Variants in ADAM12 observed in about 807,000 individuals in gnomAD.
ADAM12 encodes the protein ADAM metallopeptidase domain 12.
A neutral mutation model predicts 106.4 loss-of-function variants in ADAM12; 70 were observed. That is an observed-to-expected ratio of 0.66 (90% CI 0.54 to 0.80). The LOEUF (loss-of-function observed/expected upper bound fraction) is 0.80, where lower values mean the gene tolerates loss of function less well. Among genes scored for constraint, ADAM12 ranks in the 30% least tolerant of loss-of-function variants. The pLI, the probability that ADAM12 is intolerant of heterozygous loss-of-function variation, is 0.00. For synonymous variants in ADAM12, 420 were observed against 433.5 expected, an observed-to-expected ratio of 0.97 and a Z score of 0.39; for missense variants, 1,010 against 1,171.9, an observed-to-expected ratio of 0.86 and a Z score of 2.02.
chr10:126,167,815 C>A (rs898326), intron 3 of ADAM12, among the ~76,000 whole-genome samples: 2 of 152,040 alleles, frequency 1.3e-5, no homozygotes, highest in Non-Finnish European at 2.9e-5. Flanking sequence ...TGGGAGGACA[C>A]GTGACAACTG....
rs962978509 is a variant in ADAM12, at chr10:126,014,457, A to G, written c.*2822T>C. The G allele has an allele frequency of 3.5e-5, 5 of 142,714 alleles. No homozygotes were observed. The highest frequency in any genetic ancestry group is 1.3e-4 in the African/African-American group (5 of 37,808). The allele number at this position is 142,714 out of a possible 1,614,324, so 8.8% of individuals were successfully genotyped here. On this transcript the variant is annotated 3_prime_UTR_variant, in exon 23 of 23. Transcript: ENST00000448723. The stretch of plus-strand genomic sequence containing the variant: ...CCCCCGAGACTCGTCAGGAGTATTG[A>G]CTCTCCTACAGTTTAATTTGCTGCT...
intron 2 of ADAM12, among the ~76,000 whole-genome samples, chr10:126,292,558 T>G (rs1274737920): frequency 6.6e-6 from 1 of 152,200 alleles, no homozygotes; most frequent in African/African-American, 2.4e-5. Context: ...TTCCTGAGCA[T>G]CCCAGGCTCC....
intron 1 of ADAM12, among the ~76,000 whole-genome samples, chr10:126,334,022 C>T (rs1304758632): frequency 6.6e-6 from 1 of 152,194 alleles, no homozygotes; most frequent in Non-Finnish European, 1.5e-5. Context: ...TCAGCAATAT[C>T]TGTAGTCAGA....
intron 8 of ADAM12, among the ~76,000 whole-genome samples, chr10:126,105,150 G>A (rs138108020): frequency 0.013 from 1,950 of 152,260 alleles, 40 homozygotes; most frequent in Admixed American, 0.053. Context: ...CAAACTCCAC[G>A]GAGTCCGTTA....
At chr10:126,187,074 G>A (rs1042524904) in intron 3 of ADAM12, among the ~76,000 whole-genome samples, 1 of 152,152 alleles carries the variant, frequency 6.6e-6, no homozygotes, top group Non-Finnish European at 1.5e-5. Context: ...CCAGTTTTAA[G>A]CTAATTACAT....
At chr10:126,208,586 T>C (rs1476506714) in intron 3 of ADAM12, among the ~76,000 whole-genome samples, 1 of 152,232 alleles carries the variant, frequency 6.6e-6, no homozygotes, top group Non-Finnish European at 1.5e-5. Flanking sequence ...TTATCTTTAC[T>C]TTTCAACGGC....
intron 4 of ADAM12, among the ~76,000 whole-genome samples, chr10:126,139,821 C>G (rs561462191): frequency 1.3e-5 from 2 of 152,296 alleles, no homozygotes; most frequent in African/African-American, 4.8e-5. Context: ...TCTGGGAGGG[C>G]AAACCTCGCT....
chr10:126,040,485 CCTT>C (rs962016294), intron 18 of ADAM12, among the ~76,000 whole-genome samples: 3 of 152,154 alleles, frequency 2.0e-5, no homozygotes, highest in African/African-American at 4.8e-5. Flanking sequence ...GTCTTTCACA[CCTT>C]CTTGGTTTCT....
intron 21 of ADAM12, among the ~76,000 whole-genome samples, chr10:126,022,484 A>G (rs114454727): frequency 0.015 from 2,260 of 152,308 alleles, 61 homozygotes; most frequent in African/African-American, 0.052. Flanking sequence ...GCCATGGAAC[A>G]GTGGGGGTTA....
rs1399358756 is a variant in ADAM12, at chr10:126,226,202, C to CG, written c.260+52712dup. 1.0e-2 allele frequency among the ~76,000 whole-genome samples: 181 copies of CG among 18,166 alleles called. 2 individuals are homozygous for CG. The highest frequency in any genetic ancestry group is 0.084 in the Admixed American group (156 of 1,856). The allele number at this position is 18,166 out of a possible 152,430, so 11.9% of individuals were successfully genotyped here. A position where few individuals can be genotyped will look rare whatever the true frequency, so the allele number is the denominator to read the frequency against. ...GAAAGGTGGTGGTGGGGGGAGGGGG[C>CG]GGGGGGAGTGGGGTGGGAGTGCTGT... On this transcript the variant is annotated intron_variant, in intron 3 of 22. Transcript: ENST00000448723.
intron 14 of ADAM12, among the ~76,000 whole-genome samples, chr10:126,051,466 C>A (rs1954482458): frequency 6.6e-6 from 1 of 151,624 alleles, no homozygotes; most frequent in African/African-American, 2.4e-5. Context: ...GCCACCCGTC[C>A]ATCCATCCGT....
chr10:126,191,548 T>G (rs1957500995), intron 3 of ADAM12, among the ~76,000 whole-genome samples: 2 of 146,374 alleles, frequency 1.4e-5, no homozygotes, highest in Admixed American at 6.8e-5. Context: ...TCAGAGGGGG[T>G]GGGTAAGGAA....
intron 2 of ADAM12, among the ~76,000 whole-genome samples, chr10:126,300,325 C>G (rs759486424): frequency 6.6e-6 from 1 of 152,124 alleles, no homozygotes; most frequent in Non-Finnish European, 1.5e-5. Flanking sequence ...GGGCACTGGT[C>G]CCCCACTGAT....
Position 126,100,182 on chromosome 10 carries a change from C to T in ADAM12, c.911+890G>A, listed in dbSNP as rs1462088558. 2.6e-5 allele frequency among the ~76,000 whole-genome samples: 4 copies of T among 152,146 alleles called. 1 individual carries two copies. The highest frequency in any genetic ancestry group is 4.1e-4 in the South Asian group (2 of 4,824). On this transcript the variant is annotated intron_variant, in intron 9 of 22. Coordinates refer to ENST00000448723, the MANE Select transcript of ADAM12 (RefSeq NM_001288973.2). ...CACTGTGTTCAAAGCCCCCCAAACA[C>T]TCTTTGGTTCCTAACGGGTGATGCA... is the stretch of plus-strand genomic sequence containing the variant.
chr10:126,325,592 T>C (rs563685542), intron 2 of ADAM12, among the ~76,000 whole-genome samples: 117 of 152,356 alleles, frequency 7.7e-4, no homozygotes, highest in Middle Eastern at 3.4e-3. Context: ...CCTTCCATTT[T>C]CCATTTCTTA....
chr10:126,105,484 C>T (rs1304154621), intron 8 of ADAM12, among the ~76,000 whole-genome samples: 2 of 152,180 alleles, frequency 1.3e-5, no homozygotes, highest in Non-Finnish European at 2.9e-5. Flanking sequence ...GGCACCTGCG[C>T]TCCCAGCTCA....
intron 4 of ADAM12, 39 bp from the exon 5 acceptor site, chr10:126,135,699 CA>C (rs752211951): frequency 6.4e-7 from 1 of 1,573,024 alleles, no homozygotes; most frequent in Admixed American, 1.7e-5. Context: ...TCAGTTATAA[CA>C]CATTTTTGCC....
chr10:126,314,915 G>A (rs1961278006), intron 2 of ADAM12, among the ~76,000 whole-genome samples: 1 of 152,186 alleles, frequency 6.6e-6, no homozygotes, highest in Admixed American at 6.5e-5. Context: ...AGGAAAGGGA[G>A]AAGCGGGGGT....
intron 11 of ADAM12, among the ~76,000 whole-genome samples, chr10:126,091,492 A>G (rs1056472170): frequency 2.6e-5 from 4 of 152,260 alleles, no homozygotes; most frequent in Admixed American, 2.0e-4. Context: ...GGGATCATAA[A>G]TGAGAAGCAA....
Sources: gnomAD v4.1 joint callset for allele counts (sites outside exome capture counted in the v4.1 genomes callset) on GRCh38, gnomAD v4.1.1 for gene constraint, MANE v1.5 for transcripts, NCBI Gene and HGNC (gene_info 2026-07-23, HGNC 2026-07-21) for gene names.